The following TRUB1 variants were observed in gnomAD, a reference collection of about 807,000 sequenced individuals.
TRUB1 encodes TruB pseudouridine synthase family member 1.
A neutral mutation model predicts 33.9 loss-of-function variants in TRUB1; 23 were observed. The observed-to-expected ratio is 0.68, with a 90% confidence interval of 0.49 to 0.96. TRUB1 has a LOEUF of 0.96. Among genes scored for constraint, TRUB1 ranks in the 40% least tolerant of loss-of-function variants. TRUB1 has a pLI of 0.00. For synonymous variants in TRUB1, 163 were observed against 165.4 expected, an observed-to-expected ratio of 0.99 and a Z score of 0.11; for missense variants, 378 against 422.2, an observed-to-expected ratio of 0.90 and a Z score of 0.92.
At chr10:114,968,279 T>C (rs1938068381) in intron 4 of TRUB1, among the ~76,000 whole-genome samples, 1 of 152,184 alleles carries the variant, frequency 6.6e-6, no homozygotes, top group African/African-American at 2.4e-5. Context: ...TGTGATGATA[T>C]CAGCAAAAGA....
chr10:114,959,706 T>C lies in TRUB1; in HGVS notation c.442-20T>C, dbSNP rs1221649151. Reference sequence around the variant, plus strand: ...TGTTTGCCTCACGGCCCATTTTCTCTCTTGTTTCCCTTCCTCTAGAGATAT... The same window carrying C: ...TGTTTGCCTCACGGCCCATTTTCTCCCTTGTTTCCCTTCCTCTAGAGATAT... On this transcript the variant is annotated intron_variant, in intron 3 of 7. Transcript: ENST00000298746. The C allele has an allele frequency of 6.4e-7, 1 of 1,565,246 alleles. No homozygotes were observed.
In TRUB1 at chr10:114,942,638, C is replaced by G; in HGVS notation, c.287-7C>G. The G allele has an allele frequency of 3.1e-6, 5 of 1,603,956 alleles. No homozygotes were observed. The highest frequency in any genetic ancestry group is 3.4e-6 in the Non-Finnish European group (4 of 1,170,950). On this transcript the variant is annotated splice_region_variant and splice_polypyrimidine_tract_variant and intron_variant, in intron 1 of 7. Coordinates refer to ENST00000298746, the MANE Select transcript of TRUB1 (RefSeq NM_139169.5). ...ATCACCTTTTTTCATCCCCATTTCT[C>G]TCATAGAAGCTGGAATGCCTTCTCC...
chr10:114,950,946 G>A lies in TRUB1; in HGVS notation c.386-148G>A, dbSNP rs894661574. The A allele has an allele frequency of 5.1e-6, 3 of 590,184 alleles. No homozygotes were observed. In the African/African-American group the frequency reaches 5.6e-5, roughly 11 times the overall value. 36.6% of individuals were successfully genotyped at this position (590,184 alleles called of 1,614,324 possible). ...TGCATGACAAGTTCAACTGTTTGGA[G>A]TAATAGGAGCCCTAACATTTTGCTA... On this transcript the variant is annotated intron_variant, in intron 2 of 7. Coordinates refer to ENST00000298746, the MANE Select transcript of TRUB1 (RefSeq NM_139169.5).
chr10:114,940,196 A>G (rs1434591865), intron 1 of TRUB1, among the ~76,000 whole-genome samples: 1 of 152,160 alleles, frequency 6.6e-6, no homozygotes, highest in Non-Finnish European at 1.5e-5. Flanking sequence ...ATCTCGGCTC[A>G]CTGCAACCTT....
chr10:114,960,170 A>G (rs1359747090), intron 4 of TRUB1, among the ~76,000 whole-genome samples: 2 of 150,850 alleles, frequency 1.3e-5, no homozygotes, highest in African/African-American at 4.9e-5. Context: ...AAAAAAAAAT[A>G]TATTACCTGT....
intron 3 of TRUB1, among the ~76,000 whole-genome samples, chr10:114,951,547 G>A (rs1011975167): frequency 6.6e-6 from 1 of 152,196 alleles, no homozygotes; most frequent in South Asian, 2.1e-4. Flanking sequence ...TTGTTCAATG[G>A]TTATAAATGT....
intron 6 of TRUB1, among the ~76,000 whole-genome samples, chr10:114,972,557 A>G (rs1303334196): frequency 2.0e-5 from 3 of 152,186 alleles, no homozygotes; most frequent in East Asian, 1.9e-4. Flanking sequence ...TTAGATCTCT[A>G]TAGAGAAGAG....
At position 114,972,171 on chromosome 10, in the gene TRUB1, G is replaced by A. The variant is rs758174801; in HGVS notation, c.633G>A (p.Ser211=). Residue 211 remains serine (S), a synonymous_variant, in exon 6 of 8, where the codon TCG becomes TCA. Coordinates refer to ENST00000298746, the MANE Select transcript of TRUB1 (RefSeq NM_139169.5). ...TAAAGAAAGATGGACAAAGACTTTC[G>A]ACTTTGATGAAGAGAGGTGAAGTCG... is the stretch of plus-strand genomic sequence containing the variant. ...SALKKDGQRL[S]TLMKRGEVVE... The A allele has an allele frequency of 1.2e-5, 20 of 1,613,270 alleles. No homozygotes were observed. The highest frequency in any genetic ancestry group is 3.3e-4 in the Middle Eastern group (2 of 6,080).
intron 4 of TRUB1, among the ~76,000 whole-genome samples, chr10:114,963,251 G>A (rs893947581): frequency 3.9e-5 from 6 of 152,174 alleles, no homozygotes; most frequent in African/African-American, 1.2e-4. Flanking sequence ...CTTCTCAAAT[G>A]GACGTAGCTG....
chr10:114,959,782 G>T lies in TRUB1; in HGVS notation c.498G>T (p.Gly166=). ...CTACTGATACACTAGATTCTACGGG[G>T]AGGGTAACAGAAGAAAAACCTTACG... ...GKATDTLDST[G]RVTEEKPYDK... is the part of the protein sequence containing the mutation. The change falls in exon 4 of 8, where the codon GGG becomes GGT. Residue 166 remains glycine, a synonymous_variant. Coordinates refer to ENST00000298746, the MANE Select transcript of TRUB1 (RefSeq NM_139169.5). The T allele has an allele frequency of 1.2e-6, 2 of 1,607,968 alleles. No individual in the cohort carries two copies. The highest frequency in any genetic ancestry group is 1.7e-6 in the Non-Finnish European group (2 of 1,174,640).
At position 114,975,736 on chromosome 10, in the gene TRUB1, T is replaced by G. The variant is rs79799745; in HGVS notation, c.*357T>G. 1,270 of 157,736 alleles carry G rather than the reference T, an allele frequency of 8.1e-3. 15 individuals are homozygous for G. Among genetic ancestry groups the G allele is most frequent in the African/African-American group, 0.027 (1,142 of 41,790 alleles). 9.8% of individuals were successfully genotyped at this position (157,736 alleles called of 1,614,324 possible). On this transcript the variant is annotated 3_prime_UTR_variant, in exon 8 of 8. Transcript: ENST00000298746. ...AAGAAAAAAGTATGAGCTCCATGTT[T>G]CTTTAGTTTCACAAAAATGACCATA...
intron 2 of TRUB1, among the ~76,000 whole-genome samples, chr10:114,949,079 A>G (rs2084223218): frequency 6.6e-6 from 1 of 152,160 alleles, no homozygotes; most frequent in Non-Finnish European, 1.5e-5. Context: ...TTAATCATAT[A>G]CTATCATATT....
At chr10:114,942,772 C>CAGTGGA in intron 2 of TRUB1, 29 bp downstream of exon 2, 1 of 1,369,238 alleles carries the variant, frequency 7.3e-7, no homozygotes, top group Non-Finnish European at 1.0e-6. Flanking sequence ...AGTTAAGTGT[C>CAGTGGA]CACTGTCACT....
At chr10:114,972,578 G>C (rs1318543810) in intron 6 of TRUB1, among the ~76,000 whole-genome samples, 1 of 152,134 alleles carries the variant, frequency 6.6e-6, no homozygotes, top group Non-Finnish European at 1.5e-5. Context: ...TAGGTAAGGA[G>C]TGTATATACT....
chr10:114,942,538 CTT>C (rs2084192509), intron 1 of TRUB1, 105 bp from the exon 2 acceptor site: 5 of 700,264 alleles, frequency 7.1e-6, no homozygotes, highest in Non-Finnish European at 1.2e-5. Context: ...TTGTATAATA[CTT>C]TTTGTTTGTT....
intron 4 of TRUB1, among the ~76,000 whole-genome samples, chr10:114,968,270 G>A (rs563409429): frequency 6.6e-6 from 1 of 152,194 alleles, no homozygotes; most frequent in South Asian, 2.1e-4. Flanking sequence ...CATCTTGTGT[G>A]TGATGATATC....
chr10:114,968,940 A>G (rs188094521), intron 4 of TRUB1, among the ~76,000 whole-genome samples: 3 of 152,328 alleles, frequency 2.0e-5, no homozygotes, highest in Non-Finnish European at 4.4e-5. Context: ...TTTCTACAAA[A>G]TGGTAAAACC....
intron 4 of TRUB1, 98 bp from the exon 5 acceptor site, chr10:114,970,270 A>C: frequency 1.2e-6 from 1 of 839,078 alleles, no homozygotes; most frequent in Non-Finnish European, 1.9e-6. Flanking sequence ...ATGCTTTTGG[A>C]AAAAGTTTTA....
chr10:114,940,959 G>C (rs1391911920), intron 1 of TRUB1, among the ~76,000 whole-genome samples: 2 of 152,174 alleles, frequency 1.3e-5, no homozygotes, highest in South Asian at 4.1e-4. Context: ...AGAGACCATG[G>C]TTCTGACTCA....
Sources: gnomAD v4.1 joint callset for allele counts (sites outside exome capture counted in the v4.1 genomes callset) on GRCh38, gnomAD v4.1.1 for gene constraint, MANE v1.5 for transcripts, NCBI Gene and HGNC (gene_info 2026-07-23, HGNC 2026-07-21) for gene names.